The following KIF17 variants were observed in gnomAD, a reference collection of about 807,000 sequenced individuals.
KIF17 encodes the protein kinesin-like protein KIF17.
KIF17 carries 80 observed loss-of-function variants against 96.8 expected under a neutral mutation model. The observed-to-expected ratio is 0.83, with a 90% CI of 0.69 to 1.00. The LOEUF (loss-of-function observed/expected upper bound fraction) is 1.00, where lower values mean the gene tolerates loss of function less well. Among genes scored for constraint, KIF17 ranks in the 50% least tolerant of loss-of-function variants. KIF17 has a pLI of 0.00. For missense variants in KIF17, 1,280 were observed against 1,372.9 expected, an observed-to-expected ratio of 0.93 and a Z score of 1.07; for synonymous variants, 567 against 587.5, an observed-to-expected ratio of 0.97 and a Z score of 0.51.
At chr1:20,701,440 G>C (rs1302158793) in intron 5 of KIF17, among the ~76,000 whole-genome samples, 1 of 151,736 alleles carries the variant, frequency 6.6e-6, no homozygotes, top group Non-Finnish European at 1.5e-5. Flanking sequence ...CAAAAAAAAA[G>C]ACACAAACAC....
chr1:20,677,486 C>T (rs1445456437), intron 11 of KIF17, among the ~76,000 whole-genome samples: 1 of 152,140 alleles, frequency 6.6e-6, no homozygotes, highest in African/African-American at 2.4e-5. Context: ...TGGAAACACC[C>T]CAAGTGTTTA....
In KIF17 at chr1:20,687,957, G is replaced by T; in HGVS notation, c.1382-13C>A. 1.9e-6 allele frequency: 3 copies of T among 1,612,742 alleles called. No individual in the cohort carries two copies. The highest frequency in any genetic ancestry group is 2.5e-6 in the Non-Finnish European group (3 of 1,179,316). ...TGCAGGACAGCCTCTGCAAAATGGA[G>T]AACTTCCTTCAGGTTTTTAAAGGGT... On this transcript the variant is annotated splice_polypyrimidine_tract_variant and intron_variant, in intron 7 of 14. Coordinates refer to ENST00000400463, the MANE Select transcript of KIF17 (RefSeq NM_001122819.3). The surrounding 1 kb of genome is among the most constrained non-coding windows in gnomAD (Gnocchi z 4.4).
chr1:20,667,185 AG>A (rs1285661358), intron 13 of KIF17, among the ~76,000 whole-genome samples: 3 of 152,162 alleles, frequency 2.0e-5, no homozygotes, highest in Admixed American at 2.0e-4. Context: ...CTGTATTTGC[AG>A]CTGCTCCCCA....
At position 20,717,839 on chromosome 1, in the gene KIF17, C is replaced by CG. The variant is rs1331141319; in HGVS notation, c.-134dup. The CG allele has an allele frequency of 5.0e-6, 4 of 794,278 alleles. No homozygotes were observed. Among genetic ancestry groups the CG allele is most frequent in the Middle Eastern group, 4.6e-4 (1 of 2,164 alleles). The allele number at this position is 794,278 out of a possible 1,614,324, so 49.2% of individuals were successfully genotyped here. ...CCTTGAGGCAGGGGCGGGGCCGCGGCGGGGGGCGGGGACCCCTCGGGGGGC... is the reference window on the plus strand; with the variant it reads ...CCTTGAGGCAGGGGCGGGGCCGCGGCGGGGGGGCGGGGACCCCTCGGGGGGC... On this transcript the variant is annotated 5_prime_UTR_variant, in exon 1 of 15. Transcript: ENST00000400463.
intron 3 of KIF17, 31 bp downstream of exon 3, chr1:20,713,423 C>G: frequency 6.5e-7 from 1 of 1,541,148 alleles, no homozygotes; most frequent in East Asian, 2.2e-5. Context: ...CCCCTACCAG[C>G]CCCACCTGCC....
chr1:20,685,009 C>T lies in KIF17; in HGVS notation c.2031G>A (p.Leu677=). ...DDFPPRPEVD[L]ASEVALEVVR... ...CCACCTCTAAGGCCACTTCCGAGGC[C>T]AGATCTACCTCCTGAGTGTGAAGAG... The change falls in exon 10 of 15, where the codon CTG becomes CTA. Residue 677 remains leucine, a synonymous_variant. Transcript: ENST00000400463. This position sits in a 1 kb window ranked among gnomAD's most constrained non-coding sequence, Gnocchi z 4.1. 6.3e-7 allele frequency: 1 copy of T among 1,595,850 alleles called. No individual in the cohort carries two copies. The highest frequency in any genetic ancestry group is 8.5e-7 in the Non-Finnish European group (1 of 1,171,182).
Position 20,700,506 on chromosome 1 carries a change from G to T in KIF17, c.1124-2018C>A, listed in dbSNP as rs555012368. Among the ~76,000 whole-genome samples the T allele has an allele frequency of 6.6e-6, 1 of 152,210 alleles. No homozygotes were observed. Among genetic ancestry groups the T allele is most frequent in the Non-Finnish European group, 1.5e-5 (1 of 68,038 alleles). On this transcript the variant is annotated intron_variant, in intron 5 of 14. Coordinates refer to ENST00000400463, the MANE Select transcript of KIF17 (RefSeq NM_001122819.3). The surrounding 1 kb of genome is among the most constrained non-coding windows in gnomAD (Gnocchi z 4.6). The stretch of plus-strand genomic sequence containing the variant: ...CCTGAGTTGCCTCTGTCAGCTGTTG[G>T]GGGGAGCTGCAGCCTAGCAGATTTG...
intron 6 of KIF17, among the ~76,000 whole-genome samples, chr1:20,694,801 C>T (rs2054105204): frequency 6.6e-6 from 1 of 152,174 alleles, no homozygotes; most frequent in Non-Finnish European, 1.5e-5. Flanking sequence ...GGCAGCTCCT[C>T]AGAGCCCTGC....
At chr1:20,695,213 A>G (rs1278006518) in intron 6 of KIF17, among the ~76,000 whole-genome samples, 1 of 151,826 alleles carries the variant, frequency 6.6e-6, no homozygotes, top group Non-Finnish European at 1.5e-5. Flanking sequence ...TTTGAGTCAG[A>G]GTCTCACTCT....
At chr1:20,684,132 T>C (rs1335006051) in intron 10 of KIF17, among the ~76,000 whole-genome samples, 2 of 152,244 alleles carry the variant, frequency 1.3e-5, no homozygotes, top group Admixed American at 1.3e-4. Flanking sequence ...GCAGAGCTAG[T>C]GGAGGAGGCA....
rs1282869255 is a variant in KIF17, at chr1:20,704,108, C to T, written c.1123+339G>A. 1.4e-5 allele frequency among the ~76,000 whole-genome samples: 2 copies of T among 140,318 alleles called. No individual in the cohort carries two copies. Among genetic ancestry groups the T allele is most frequent in the East Asian group, 2.1e-4 (1 of 4,698 alleles). 92.1% of individuals were successfully genotyped at this position (140,318 alleles called of 152,430 possible). ...GTTGCCAGCTGCTGAGCAGCGAACA[C>T]GCATTGCGACAATGCCACAGACAGC... On this transcript the variant is annotated intron_variant, in intron 5 of 14. Transcript: ENST00000400463. The surrounding 1 kb of genome is among the most constrained non-coding windows in gnomAD (Gnocchi z 6.8).
intron 5 of KIF17, among the ~76,000 whole-genome samples, chr1:20,702,318 A>G (rs2054252221): frequency 6.6e-6 from 1 of 151,246 alleles, no homozygotes; most frequent in Admixed American, 6.5e-5. Context: ...CTCCTAATCC[A>G]GGGAGAAGGG....
intron 6 of KIF17, among the ~76,000 whole-genome samples, chr1:20,696,250 G>T (rs2054136456): frequency 1.3e-5 from 2 of 152,176 alleles, no homozygotes; most frequent in Non-Finnish European, 2.9e-5. Flanking sequence ...TTCCCTGAAT[G>T]GTTCTGGAAT....
At chr1:20,712,140 G>A (rs1322364195) in intron 3 of KIF17, among the ~76,000 whole-genome samples, 1 of 152,140 alleles carries the variant, frequency 6.6e-6, no homozygotes, top group African/African-American at 2.4e-5. Flanking sequence ...CCGGGTAACT[G>A]AGGCCTTTCT....
chr1:20,712,872 T>A (rs375946650), intron 3 of KIF17, among the ~76,000 whole-genome samples: 2 of 72,086 alleles, frequency 2.8e-5, no homozygotes, highest in Non-Finnish European at 5.1e-5. Context: ...ATTATAGATA[T>A]TATCTATATA....
Position 20,685,150 on chromosome 1 carries a change from G to A in KIF17, c.2020-130C>T, listed in dbSNP as rs1197858413. ...GCCCCGACAGATCACCTCCAGCTCA[G>A]GGACACCAGTGACACAAAAACACGC... On this transcript the variant is annotated intron_variant, in intron 9 of 14. Coordinates refer to ENST00000400463, the MANE Select transcript of KIF17 (RefSeq NM_001122819.3). The surrounding 1 kb of genome is among the most constrained non-coding windows in gnomAD (Gnocchi z 4.1). 1 of 758,432 alleles carries A rather than the reference G, an allele frequency of 1.3e-6. No individual in the cohort carries two copies. The highest frequency in any genetic ancestry group is 2.4e-6 in the Non-Finnish European group (1 of 424,144). The allele number at this position is 758,432 out of a possible 1,614,324, so 47.0% of individuals were successfully genotyped here. A position where few individuals can be genotyped will look rare whatever the true frequency, so the allele number is the denominator to read the frequency against.
At chr1:20,683,916 C>G (rs1271211806) in intron 10 of KIF17, among the ~76,000 whole-genome samples, 4 of 151,670 alleles carry the variant, frequency 2.6e-5, no homozygotes, top group African/African-American at 7.3e-5. Flanking sequence ...TCTGTGAAGG[C>G]CCCCCAGCCT....
intron 6 of KIF17, among the ~76,000 whole-genome samples, chr1:20,697,591 C>G (rs968061836): frequency 2.0e-5 from 3 of 152,130 alleles, no homozygotes; most frequent in Non-Finnish European, 4.4e-5. Flanking sequence ...TGGGTGACAA[C>G]AAGACGCTGT....
In KIF17 at chr1:20,687,817, C is replaced by T. The variant is rs540680062; in HGVS notation, c.1509G>A (p.Thr503=). 5.0e-6 allele frequency: 8 copies of T among 1,614,146 alleles called. No individual in the cohort carries two copies. The African/African-American group carries it at 5.3e-5, about 11-fold the overall frequency. Residue 503 remains threonine, a synonymous_variant, in exon 8 of 15, where the codon ACG becomes ACA. Transcript: ENST00000400463. This position sits in a 1 kb window ranked among gnomAD's most constrained non-coding sequence, Gnocchi z 4.4. The stretch of plus-strand genomic sequence containing the variant: ...CATCGTCACTGGGCAGAGTGTCAGT[C>T]GTGGAGAAGACCTTGGGTTTCACCA... The part of the protein sequence containing the change: ...ETVVKPKVFS[T]TDTLPSDDVS...
Sources: gnomAD v4.1 joint callset for allele counts (sites outside exome capture counted in the v4.1 genomes callset) on GRCh38, gnomAD v4.1.1 for gene constraint, Gnocchi (gnomAD v3.1) non-coding constraint, MANE v1.5 for transcripts, NCBI Gene and HGNC (gene_info 2026-07-23, HGNC 2026-07-21) for gene names.